The following SETD5 variants were observed in gnomAD, a reference collection of about 807,000 sequenced individuals.
SETD5 encodes the protein SET domain containing 5.
SETD5 carries 44 observed loss-of-function variants against 153.3 expected under a neutral mutation model. The observed-to-expected ratio is 0.29, with a 90% CI of 0.23 to 0.37. The LOEUF (loss-of-function observed/expected upper bound fraction) is 0.37. Ranked by LOEUF, SETD5 falls within the 10% of genes least tolerant of loss-of-function variation. The probability of loss-of-function intolerance (pLI) is 1.00; values close to 1 mark genes in which losing one functional copy is unlikely to be tolerated. For synonymous variants in SETD5, 716 were observed against 645.2 expected, an observed-to-expected ratio of 1.11 and a Z score of -1.66; for missense variants, 1,544 against 1,768.0, an observed-to-expected ratio of 0.87 and a Z score of 2.27.
chr3:9,447,879 C>G lies in SETD5; in HGVS notation c.1976C>G (p.Pro659Arg), dbSNP rs773497618. ...GGAGGAAGTAACAGTTTAGTAACTC[C>G]TACTGAAGCTGGAAGTCTAGACAGT... is the stretch of plus-strand genomic sequence containing the variant. ...EEGGSNSLVTPTEAGSLDSSG... is the reference protein window; with the variant it reads ...EEGGSNSLVTRTEAGSLDSSG... Residue 659 changes from proline (P) to arginine (R), a missense_variant, in exon 15 of 23, where the codon CCT (proline) becomes CGT (arginine). By Grantham distance (103) the Pro-to-Arg change is moderately radical (BLOSUM62 -2). Around this residue, in one of 9 missense-constraint regions of SETD5, gnomAD observed 782 missense variants for 787.2 expected, o/e 0.99. Coordinates refer to ENST00000402198, the MANE Select transcript of SETD5 (RefSeq NM_001080517.3). 9 of 1,613,856 alleles carry G rather than the reference C, an allele frequency of 5.6e-6. No individual in the cohort carries two copies. Among genetic ancestry groups the G allele is most frequent in the Admixed American group, 1.7e-5 (1 of 60,002 alleles).
chr3:9,465,516 T>C (rs2044450585), intron 18 of SETD5, among the ~76,000 whole-genome samples: 1 of 152,248 alleles, frequency 6.6e-6, no homozygotes, highest in African/African-American at 2.4e-5. Flanking sequence ...TCTGCTGCTC[T>C]GCCCCCTTGT....
At chr3:9,429,902 C>T (rs2039770905) in intron 3 of SETD5, 1 of 1,303,690 alleles carries the variant, frequency 7.7e-7, no homozygotes, top group Non-Finnish European at 1.0e-6. Flanking sequence ...CGAAAGAGAC[C>T]CAAGGGGCCT....
chr3:9,471,402 T>G (rs1232503611), intron 19 of SETD5, among the ~76,000 whole-genome samples: 1 of 152,174 alleles, frequency 6.6e-6, no homozygotes, highest in Admixed American at 6.5e-5. Context: ...AGGCAGCAGG[T>G]TACTGATTTA....
At chr3:9,429,760 C>A in intron 3 of SETD5, 2 of 1,063,984 alleles carry the variant, frequency 1.9e-6, no homozygotes, top group Non-Finnish European at 2.5e-6. Flanking sequence ...GTCCGAGATT[C>A]CCCCTGCTCA....
chr3:9,473,577 G>T (rs573440689), intron 20 of SETD5, 40 bp downstream of exon 20: 214 of 1,542,474 alleles, frequency 1.4e-4, no homozygotes, highest in Non-Finnish European at 1.8e-4. Flanking sequence ...AATTGGGGGT[G>T]GGGGGGAGTA....
At chr3:9,436,863 G>T in intron 7 of SETD5, 1 of 1,550,250 alleles carries the variant, frequency 6.5e-7, no homozygotes, top group Non-Finnish European at 8.7e-7. Flanking sequence ...TTTCGAGAGG[G>T]ATCCCGGAAG....
chr3:9,414,830 T>G (rs960672149), intron 1 of SETD5, among the ~76,000 whole-genome samples: 1 of 152,086 alleles, frequency 6.6e-6, no homozygotes, highest in African/African-American at 2.4e-5. Flanking sequence ...TTTTTTTTAA[T>G]TTTTTTGTTA....
Position 9,434,458 on chromosome 3 carries a change from G to A in SETD5, c.302G>A (p.Gly101Asp). ...TGTCCTTGTGGTCTTTCTCAGGATG[G>A]CTTCCTTCTCAACTGTGACAAGTGC... Reference protein sequence around the residue: ...TWCPCGLSQDGFLLNCDKCRG... With the variant: ...TWCPCGLSQDDFLLNCDKCRG... The change falls in exon 5 of 23, where the codon GGC becomes GAC. Residue 101 changes from glycine to aspartate, a missense_variant. By Grantham distance (94) the Gly-to-Asp change is moderately conservative. Around this residue, in one of 9 missense-constraint regions of SETD5, gnomAD observed 251 missense variants for 326.9 expected, o/e 0.77. Transcript: ENST00000402198. The surrounding 1 kb of genome is among the most constrained non-coding windows in gnomAD (Gnocchi z 5.6). 1.2e-6 allele frequency: 2 copies of A among 1,613,946 alleles called. No homozygotes were observed. The highest frequency in any genetic ancestry group is 1.7e-6 in the Non-Finnish European group (2 of 1,179,876).
At chr3:9,472,388 G>A (rs967716999) in intron 19 of SETD5, among the ~76,000 whole-genome samples, 1 of 152,124 alleles carries the variant, frequency 6.6e-6, no homozygotes, top group Non-Finnish European at 1.5e-5. Context: ...ACAAAGAGAA[G>A]GTGTACTAGG....
At chr3:9,433,012 T>C (rs1262266055) in intron 3 of SETD5, among the ~76,000 whole-genome samples, 1 of 152,218 alleles carries the variant, frequency 6.6e-6, no homozygotes, top group Non-Finnish European at 1.5e-5. Flanking sequence ...TCATGTAATC[T>C]CACCACCACA....
At chr3:9,417,993 T>C (rs1575255881) in intron 1 of SETD5, among the ~76,000 whole-genome samples, 1 of 147,986 alleles carries the variant, frequency 6.8e-6, no homozygotes, top group African/African-American at 2.5e-5. Flanking sequence ...CAGGCTGGAG[T>C]GCAGTGGCGC....
chr3:9,473,166 G>C, intron 19 of SETD5, 70 bp from the exon 20 acceptor site: 1 of 1,506,620 alleles, frequency 6.6e-7, no homozygotes. Context: ...TTCTTTCCCT[G>C]TTGCTGGTGA....
chr3:9,474,693 C>A, intron 21 of SETD5, 111 bp downstream of exon 21: 2 of 1,439,302 alleles, frequency 1.4e-6, no homozygotes, highest in Non-Finnish European at 1.9e-6. Flanking sequence ...TGCAGTTGGG[C>A]TCCACCGCAT....
intron 20 of SETD5, 69 bp from the exon 21 acceptor site, chr3:9,474,380 C>T: frequency 1.3e-6 from 2 of 1,554,740 alleles, no homozygotes; most frequent in Non-Finnish European, 1.7e-6. Context: ...ATACACTGTG[C>T]ACTGGTTAGG....
In SETD5 at chr3:9,445,354, A is replaced by G. The variant is rs763208460; in HGVS notation, c.1440+54A>G. 7.0e-6 allele frequency: 11 copies of G among 1,567,438 alleles called. No homozygotes were observed. The East Asian group carries it at 2.1e-4, about 30-fold the overall frequency. On this transcript the variant is annotated intron_variant, in intron 12 of 22. Transcript: ENST00000402198. The stretch of plus-strand genomic sequence containing the variant: ...TATGGCATCAATCCTCCAAAGGAAG[A>G]GGAACCCGGGTTGCCGCATGGTTTA...
intron 17 of SETD5, among the ~76,000 whole-genome samples, chr3:9,460,050 T>TC (rs956350606): frequency 2.0e-5 from 3 of 148,622 alleles, no homozygotes; most frequent in Non-Finnish European, 4.5e-5. Context: ...ACCAACCCCC[T>TC]CCCCCCCACA....
Position 9,448,620 on chromosome 3 carries a change from C to G in SETD5, c.2336C>G (p.Ser779Cys). The G allele has an allele frequency of 6.3e-7, 1 of 1,587,014 alleles. No homozygotes were observed. The highest frequency in any genetic ancestry group is 2.2e-5 in the East Asian group (1 of 44,450). ...RPLLPDGTFS[S>C]CKKRWIKQAL... Reference sequence around the variant, plus strand: ...CTTCTGCCTGATGGCACATTCAGCTCCTGTAAGAAGGTATGTCTGTGTTTT... The same window carrying G: ...CTTCTGCCTGATGGCACATTCAGCTGCTGTAAGAAGGTATGTCTGTGTTTT... The change falls in exon 16 of 23, where the codon TCC becomes TGC. Residue 779 changes from serine to cysteine, a missense_variant. This residue lies in a region of SETD5 where 782 missense variants were observed against 787.2 expected (regional missense o/e 0.99). Transcript: ENST00000402198.
intron 1 of SETD5, among the ~76,000 whole-genome samples, chr3:9,415,553 G>A (rs766696132): frequency 7.9e-5 from 12 of 152,178 alleles, no homozygotes; most frequent in South Asian, 4.2e-4. Context: ...TGAGTTGGTC[G>A]TTGTCTTCCA....
intron 1 of SETD5, among the ~76,000 whole-genome samples, chr3:9,415,145 G>A (rs1559362544): frequency 6.6e-6 from 1 of 152,128 alleles, no homozygotes; most frequent in Non-Finnish European, 1.5e-5. Flanking sequence ...TTTTGTATAA[G>A]AAAGCAGTTT....
Sources: allele counts gnomAD v4.1 joint callset (sites outside exome capture counted in the v4.1 genomes callset), GRCh38; gene constraint gnomAD v4.1.1; regional missense constraint gnomAD v4.1.1; non-coding constraint Gnocchi (gnomAD v3.1); transcripts MANE v1.5; gene names NCBI Gene and HGNC (gene_info 2026-07-23, HGNC 2026-07-21).